Variants in HPGD observed in about 807,000 individuals in gnomAD.
The protein encoded by HPGD is 15-hydroxyprostaglandin dehydrogenase [NAD(+)].
A neutral mutation model predicts 30.0 loss-of-function variants in HPGD; 29 were observed. That is an observed-to-expected ratio of 0.97 (90% CI 0.72 to 1.32). The LOEUF (loss-of-function observed/expected upper bound fraction) is 1.32. HPGD is among the 40% of genes most tolerant of loss of function. The pLI is 0.00. For synonymous variants in HPGD, 99 were observed against 112.4 expected (o/e 0.88, Z 0.75); for missense variants, 340 against 322.1 (o/e 1.06, Z -0.43).
At chr4:174,498,353 T>A (rs1032412296) in intron 4 of HPGD, among the ~76,000 whole-genome samples, 1 of 152,146 alleles carries the variant, frequency 6.6e-6, no homozygotes, top group Admixed American at 6.5e-5. Context: ...GAGATCTAAT[T>A]GACATACAAT....
At chr4:174,509,347 T>C (rs1021320197) in intron 3 of HPGD, among the ~76,000 whole-genome samples, 6 of 152,192 alleles carry the variant, frequency 3.9e-5, no homozygotes, top group African/African-American at 1.4e-4. Context: ...ACGAGGAAGG[T>C]GATCTCCCCA....
chr4:174,516,694 G>A (rs966291806), intron 3 of HPGD, among the ~76,000 whole-genome samples: 1 of 152,092 alleles, frequency 6.6e-6, no homozygotes, highest in Non-Finnish European at 1.5e-5. Flanking sequence ...AAAACTAAAA[G>A]AAAACTGTAT....
At chr4:174,495,778 T>G in intron 4 of HPGD, 154 bp from the exon 5 acceptor site, 1 of 676,862 alleles carries the variant, frequency 1.5e-6, no homozygotes. Flanking sequence ...TTTGTGAAAC[T>G]CAGTAGCCTA....
chr4:174,508,714 T>A lies in HPGD; in HGVS notation c.403A>T (p.Asn135Tyr). 6.2e-7 allele frequency: 1 copy of A among 1,602,258 alleles called. No individual in the cohort carries two copies. Among genetic ancestry groups the A allele is most frequent in the Non-Finnish European group, 8.6e-7 (1 of 1,169,416 alleles). The change falls in exon 4 of 7, where the codon AAT (asparagine) becomes TAT (tyrosine). Residue 135 changes from asparagine (N) to tyrosine (Y), a missense_variant. Physicochemically the swap from Asn to Tyr is moderately radical, Grantham distance 143. Transcript: ENST00000296522. ...CCCTTACCTGCTAAAGATGACATAT[T>A]GATAATGATGCCGCCTTCACCTCCA... is the stretch of plus-strand genomic sequence containing the variant. Reference protein sequence around the residue: ...QNGGEGGIIINMSSLAGLMPV... With the variant: ...QNGGEGGIIIYMSSLAGLMPV...
At chr4:174,502,333 A>AT (rs1210057716) in intron 4 of HPGD, among the ~76,000 whole-genome samples, 2 of 152,086 alleles carry the variant, frequency 1.3e-5, no homozygotes, top group Non-Finnish European at 2.9e-5. Context: ...TTTTTTTCTC[A>AT]TTCTTATGGG....
Position 174,522,063 on chromosome 4 carries a change from G to A in HPGD, c.98C>T (p.Ala33Val). Residue 33 changes from alanine to valine, a missense_variant, in exon 2 of 7, where the codon GCG (alanine) becomes GTG (valine). Coordinates refer to ENST00000296522, the MANE Select transcript of HPGD (RefSeq NM_000860.6). ...EALLLKGAKVALVDWNLEAGV... is the reference protein window; with the variant it reads ...EALLLKGAKVVLVDWNLEAGV... ...TGCTTCAAGATTCCAATCCACCAGCGCTACCTATAGACAAGAGGAGAGGAA... is the reference window on the plus strand; with the variant it reads ...TGCTTCAAGATTCCAATCCACCAGCACTACCTATAGACAAGAGGAGAGGAA... 1 of 1,614,172 alleles carries A rather than the reference G, an allele frequency of 6.2e-7. No individual in the cohort carries two copies.
intron 4 of HPGD, among the ~76,000 whole-genome samples, chr4:174,502,593 G>A (rs1226370216): frequency 6.7e-6 from 1 of 148,718 alleles, no homozygotes. Context: ...CAGGAGAATG[G>A]CGTGAACCCG....
chr4:174,514,588 C>T (rs979125273), intron 3 of HPGD, among the ~76,000 whole-genome samples: 5 of 152,050 alleles, frequency 3.3e-5, no homozygotes, highest in Admixed American at 2.0e-4. Flanking sequence ...TGGAAGCATT[C>T]GCCTTGAGAG....
rs189521517 is a variant in HPGD, at chr4:174,496,829, T to C, written c.422-1205A>G. Reference sequence around the variant, plus strand: ...TGGGTGCCTGCCAGGTTTCAATTTATAAAGTATGTTTGCACAAGGGCAGTT... The same window carrying C: ...TGGGTGCCTGCCAGGTTTCAATTTACAAAGTATGTTTGCACAAGGGCAGTT... On this transcript the variant is annotated intron_variant, in intron 4 of 6. Coordinates refer to ENST00000296522, the MANE Select transcript of HPGD (RefSeq NM_000860.6). This position sits in a 1 kb window ranked among gnomAD's most constrained non-coding sequence, Gnocchi z 4.6. Among the ~76,000 whole-genome samples, 45 of 152,338 alleles carry C rather than the reference T, an allele frequency of 3.0e-4. No homozygotes were observed. The East Asian group carries it at 8.5e-3, about 29-fold the overall frequency.
rs760273658 is a variant in HPGD at position 174,491,995 on chromosome 4, T to A, written c.762A>T (p.Gln254His). ...CTTGAAATGGAGTTGTATCATAGTC[T>A]TGAAAATGAATTCCCTTAGAAGTTG... ...KITTSKGIHFQDYDTTPFQAK... is the reference protein window; with the variant it reads ...KITTSKGIHFHDYDTTPFQAK... Residue 254 changes from glutamine to histidine, a missense_variant, in exon 7 of 7, where the codon CAA becomes CAT. Gln to His is a conservative substitution (Grantham distance 24). Transcript: ENST00000296522. 1.2e-5 allele frequency: 20 copies of A among 1,611,914 alleles called. No homozygotes were observed. The highest frequency in any genetic ancestry group is 1.6e-5 in the Non-Finnish European group (19 of 1,178,312).
chr4:174,507,921 A>G (rs1735266893), intron 4 of HPGD: 1 of 542,840 alleles, frequency 1.8e-6, no homozygotes, highest in South Asian at 2.8e-5. Context: ...TTAGGCACAC[A>G]GCTAGACTGC....
At chr4:174,502,494 C>A (rs895074500) in intron 4 of HPGD, among the ~76,000 whole-genome samples, 1 of 151,896 alleles carries the variant, frequency 6.6e-6, no homozygotes, top group East Asian at 1.9e-4. Context: ...CTGGCTAACA[C>A]GGTGAAACCC....
intron 2 of HPGD, among the ~76,000 whole-genome samples, chr4:174,518,648 A>G (rs1193231668): frequency 1.3e-5 from 2 of 152,158 alleles, no homozygotes; most frequent in African/African-American, 4.8e-5. Flanking sequence ...AGTTGATTTT[A>G]TTTGATTACT....
rs1274576449 is a variant in HPGD at position 174,491,931 on chromosome 4, C to A, written c.*25G>T. The A allele has an allele frequency of 1.9e-6, 3 of 1,598,982 alleles. No individual in the cohort carries two copies. The highest frequency in any genetic ancestry group is 2.6e-6 in the Non-Finnish European group (3 of 1,167,126). ...AATATAAGCTATTTGTGCTTATTTT[C>A]AGCTATGGCTAACACATAAGCTGTT... On this transcript the variant is annotated 3_prime_UTR_variant, in exon 7 of 7. Coordinates refer to ENST00000296522, the MANE Select transcript of HPGD (RefSeq NM_000860.6).
At chr4:174,497,972 A>C (rs1734722936) in intron 4 of HPGD, among the ~76,000 whole-genome samples, 2 of 146,612 alleles carry the variant, frequency 1.4e-5, no homozygotes, top group Admixed American at 6.9e-5. Flanking sequence ...CTTTTGAGAC[A>C]GAGTCTAGCT....
chr4:174,492,206 G>A lies in HPGD; in HGVS notation c.663-112C>T. ...AGTTGAACATGTTATAGGGAAATGT[G>A]TGTCATTAAACTATTGCTACTTCCA... On this transcript the variant is annotated intron_variant, in intron 6 of 6. Transcript: ENST00000296522. This position sits in a 1 kb window ranked among gnomAD's most constrained non-coding sequence, Gnocchi z 4.9. 1.0e-6 allele frequency: 1 copy of A among 993,752 alleles called. No individual in the cohort carries two copies. The highest frequency in any genetic ancestry group is 1.6e-6 in the Non-Finnish European group (1 of 635,878). The allele number at this position is 993,752 out of a possible 1,614,324, so 61.6% of individuals were successfully genotyped here.
chr4:174,500,159 A>G (rs1734833366), intron 4 of HPGD, among the ~76,000 whole-genome samples: 1 of 152,202 alleles, frequency 6.6e-6, no homozygotes, highest in Non-Finnish European at 1.5e-5. Flanking sequence ...GAAAAAGAAA[A>G]TATGATAAAT....
At chr4:174,522,240 AG>A in intron 1 of HPGD, 118 bp downstream of exon 1, 3 of 1,375,874 alleles carry the variant, frequency 2.2e-6, no homozygotes, top group Non-Finnish European at 2.0e-6. Flanking sequence ...AAATTTTGGA[AG>A]TGGCAAAGTG....
At position 174,493,229 on chromosome 4, in the gene HPGD, T is replaced by A. The variant is rs750778750; in HGVS notation, c.584A>T (p.Glu195Val). ...FVNTAILESI[E>V]KEENMGQYIE... is the part of the protein sequence containing the mutation. ...ATATTGTCCCATGTTTTCTTCTTTT[T>A]CAATTGATTCAAGGATGGCTGTGTT... The change falls in exon 6 of 7, where the codon GAA (glutamate) becomes GTA (valine). Residue 195 changes from glutamate to valine, a missense_variant. Transcript: ENST00000296522. The A allele has an allele frequency of 1.2e-6, 2 of 1,612,234 alleles. No homozygotes were observed. The highest frequency in any genetic ancestry group is 1.7e-6 in the Non-Finnish European group (2 of 1,178,520).
Sources: allele counts gnomAD v4.1 joint callset (sites outside exome capture counted in the v4.1 genomes callset), GRCh38; gene constraint gnomAD v4.1.1; non-coding constraint Gnocchi (gnomAD v3.1); transcripts MANE v1.5; gene names NCBI Gene and HGNC (gene_info 2026-07-23, HGNC 2026-07-21).